The following PNMA8B variants were observed in gnomAD, a reference collection of about 807,000 sequenced individuals.
The protein encoded by PNMA8B is PNMA family member 8B.
For synonymous variants in PNMA8B, 386 were observed against 394.9 expected, an observed-to-expected ratio of 0.98 and a Z score of 0.27; for missense variants, 887 against 885.8, an observed-to-expected ratio of 1.00 and a Z score of -0.02.
At position 46,492,506 on chromosome 19, in the gene PNMA8B, C is replaced by T. The variant is rs373521985; in HGVS notation, c.*1052G>A. 5 of 162,224 alleles carry T rather than the reference C, an allele frequency of 3.1e-5. No individual in the cohort carries two copies. The highest frequency in any genetic ancestry group is 6.4e-5 in the Admixed American group (1 of 15,722). 10.0% of individuals were successfully genotyped at this position (162,224 alleles called of 1,614,324 possible). A position where few individuals can be genotyped will look rare whatever the true frequency, so the allele number is the denominator to read the frequency against. Reference sequence around the variant, plus strand: ...TCCCCTGTAAGGAGGGACACGCGGCCGGCTTCTGCACTGCCCAGGTGAGCC... The same window carrying T: ...TCCCCTGTAAGGAGGGACACGCGGCTGGCTTCTGCACTGCCCAGGTGAGCC... On this transcript the variant is annotated 3_prime_UTR_variant, in exon 1 of 1. Transcript: ENST00000599531.
In PNMA8B at chr19:46,495,204, C is replaced by A; in HGVS notation, c.262G>T (p.Val88Phe). Residue 88 changes from valine (V) to phenylalanine (F), a missense_variant, in exon 1 of 1, where the codon GTC becomes TTC. Physicochemically the swap from Val to Phe is conservative, Grantham distance 50. Transcript: ENST00000599531. ...IPREIPGKDGVWRVLWKDRAQ... is the reference protein window; with the variant it reads ...IPREIPGKDGFWRVLWKDRAQ... ...CGGTCCTTCCACAGAACCCTCCAGA[C>A]CCCATCCTTGCCTGGGATCTCCCTG... 1 of 1,613,386 alleles carries A rather than the reference C, an allele frequency of 6.2e-7. No individual in the cohort carries two copies. The highest frequency in any genetic ancestry group is 8.5e-7 in the Non-Finnish European group (1 of 1,179,292).
In PNMA8B at chr19:46,495,701, C is replaced by G. The variant is rs933270317; in HGVS notation, c.-236G>C. 1.3e-5 allele frequency: 7 copies of G among 541,674 alleles called. No individual in the cohort carries two copies. The highest frequency in any genetic ancestry group is 3.8e-5 in the African/African-American group (2 of 52,992). 33.6% of individuals were successfully genotyped at this position (541,674 alleles called of 1,614,324 possible). On this transcript the variant is annotated 5_prime_UTR_variant, in exon 1 of 1. Coordinates refer to ENST00000599531, the MANE Select transcript of PNMA8B (RefSeq NM_020709.3). ...CCCTCTCCAGAGCTGTCTGAGGATC[C>G]GCGGGGGGCTTACGTGTCTGCTTTC...
chr19:46,492,169 A>T lies in PNMA8B; in HGVS notation c.*1389T>A. 4.6e-6 allele frequency: 2 copies of T among 435,880 alleles called. No homozygotes were observed. 27.0% of individuals were successfully genotyped at this position (435,880 alleles called of 1,614,324 possible). A position where few individuals can be genotyped will look rare whatever the true frequency, so the allele number is the denominator to read the frequency against. On this transcript the variant is annotated 3_prime_UTR_variant, in exon 1 of 1. Coordinates refer to ENST00000599531, the MANE Select transcript of PNMA8B (RefSeq NM_020709.3). ...CAAACCCTCCTATTCCTTCCCAGGG[A>T]CAAGTGGGGCAGGGCCCCCTGGCAC...
In PNMA8B at chr19:46,494,549, G is replaced by A. The variant is rs779584054; in HGVS notation, c.917C>T (p.Pro306Leu). 4 of 1,613,898 alleles carry A rather than the reference G, an allele frequency of 2.5e-6. No individual in the cohort carries two copies. The East Asian group carries it at 8.9e-5, about 36-fold the overall frequency. Residue 306 changes from proline to leucine, a missense_variant, in exon 1 of 1, where the codon CCG (proline) becomes CTG (leucine). By Grantham distance (98) the Pro-to-Leu change is moderately conservative. Coordinates refer to ENST00000599531, the MANE Select transcript of PNMA8B (RefSeq NM_020709.3). ...GCTCTCCGAAGTGTCGCTGTCCACC[G>A]GCTCCTCGTCCGGGGTGTCTCTCAC... ...LAVRDTPDEE[P>L]VDSDTSESDS...
Position 46,491,778 on chromosome 19 carries a change from C to T in PNMA8B, c.*1780G>A, listed in dbSNP as rs1207893579. The T allele has an allele frequency of 6.5e-6, 1 of 154,826 alleles. No homozygotes were observed. The highest frequency in any genetic ancestry group is 1.4e-5 in the Non-Finnish European group (1 of 69,880). The allele number at this position is 154,826 out of a possible 1,614,324, so 9.6% of individuals were successfully genotyped here. A position where few individuals can be genotyped will look rare whatever the true frequency, so the allele number is the denominator to read the frequency against. ...TATTCTGGGCAAACCACAGTCAAGA[C>T]CGTGGACATCTGTGGCCCACGCTCC... On this transcript the variant is annotated 3_prime_UTR_variant, in exon 1 of 1. Coordinates refer to ENST00000599531, the MANE Select transcript of PNMA8B (RefSeq NM_020709.3).
At position 46,494,694 on chromosome 19, in the gene PNMA8B, T is replaced by C. The variant is rs1169087613; in HGVS notation, c.772A>G (p.Thr258Ala). 3 of 1,613,918 alleles carry C rather than the reference T, an allele frequency of 1.9e-6. No individual in the cohort carries two copies. The highest frequency in any genetic ancestry group is 2.5e-6 in the Non-Finnish European group (3 of 1,179,890). ...TCTTTCTTCGATTTGTCGGTGACGG[T>C]GACCAGAGCCAAGAACTCGCGGGGA... ...DGPREFLALV[T>A]VTDKSKKEEA... The change falls in exon 1 of 1, where the codon ACC becomes GCC. Residue 258 changes from threonine to alanine, a missense_variant. By Grantham distance (58) the Thr-to-Ala change is moderately conservative (BLOSUM62 0). Coordinates refer to ENST00000599531, the MANE Select transcript of PNMA8B (RefSeq NM_020709.3).
chr19:46,494,300 T>G lies in PNMA8B; in HGVS notation c.1166A>C (p.Lys389Thr), dbSNP rs774151706. Reference sequence around the variant, plus strand: ...CACCTCGCGGCCCGCCTCTTCCACCTTCACGCGGGTCCCGTTAGTGTCCTT... The same window carrying G: ...CACCTCGCGGCCCGCCTCTTCCACCGTCACGCGGGTCCCGTTAGTGTCCTT... ...MSKDTNGTRV[K>T]VEEAGREVDA... The change falls in exon 1 of 1, where the codon AAG becomes ACG. Residue 389 changes from lysine (K) to threonine (T), a missense_variant. Lys to Thr is a moderately conservative substitution (Grantham distance 78, BLOSUM62 -1). Transcript: ENST00000599531. The G allele has an allele frequency of 2.5e-6, 4 of 1,612,496 alleles. No individual in the cohort carries two copies. The Admixed American group carries it at 6.7e-5, about 27-fold the overall frequency.
At position 46,494,453 on chromosome 19, in the gene PNMA8B, T is replaced by G. The variant is rs763200869; in HGVS notation, c.1013A>C (p.Tyr338Ser). The G allele has an allele frequency of 1.2e-6, 2 of 1,614,030 alleles. No homozygotes were observed. Among genetic ancestry groups the G allele is most frequent in the African/African-American group, 1.3e-5 (1 of 75,082 alleles). The change falls in exon 1 of 1, where the codon TAT (tyrosine) becomes TCT (serine). Residue 338 changes from tyrosine (Y) to serine (S), a missense_variant. Coordinates refer to ENST00000599531, the MANE Select transcript of PNMA8B (RefSeq NM_020709.3). ...DNPEFVAIVA[Y>S]TDPSDPWARE... ...GGCCCAGGGGTCCGACGGGTCGGTA[T>G]AGGCCACAATGGCCACGAACTCAGG...
In PNMA8B at chr19:46,494,513, T is replaced by C. The variant is rs371812987; in HGVS notation, c.953A>G (p.Glu318Gly). Residue 318 changes from glutamate (E) to glycine (G), a missense_variant, in exon 1 of 1, where the codon GAA (glutamate) becomes GGA (glycine). Coordinates refer to ENST00000599531, the MANE Select transcript of PNMA8B (RefSeq NM_020709.3). ...DSDTSESDSQ[E>G]SGDQETEELD... ...CTCCTCTGTTTCTTGGTCCCCACTT[T>C]CCTGCGAGTCGCTCTCCGAAGTGTC... 51 of 1,614,062 alleles carry C rather than the reference T, an allele frequency of 3.2e-5. No homozygotes were observed. Among genetic ancestry groups the C allele is most frequent in the South Asian group, 3.0e-4 (27 of 91,090 alleles).
At position 46,491,394 on chromosome 19, in the gene PNMA8B, C is replaced by T. The variant is rs1481591477; in HGVS notation, c.*2164G>A. On this transcript the variant is annotated 3_prime_UTR_variant, in exon 1 of 1. Transcript: ENST00000599531. The stretch of plus-strand genomic sequence containing the variant: ...CTTCTAAGAGGACGTCTCTGGCAGC[C>T]ATGTATGGTGGGGGGACACAGGATG... 6.6e-6 allele frequency: 1 copy of T among 152,220 alleles called. No homozygotes were observed. Among genetic ancestry groups the T allele is most frequent in the Non-Finnish European group, 1.5e-5 (1 of 68,180 alleles). The allele number at this position is 152,220 out of a possible 1,614,324, so 9.4% of individuals were successfully genotyped here. A position where few individuals can be genotyped will look rare whatever the true frequency, so the allele number is the denominator to read the frequency against.
rs771562782 is a variant in PNMA8B at position 46,491,834 on chromosome 19, C to T, written c.*1724G>A. 1.9e-5 allele frequency: 3 copies of T among 158,940 alleles called. No individual in the cohort carries two copies. The highest frequency in any genetic ancestry group is 4.8e-5 in the African/African-American group (2 of 41,544). 9.8% of individuals were successfully genotyped at this position (158,940 alleles called of 1,614,324 possible). On this transcript the variant is annotated 3_prime_UTR_variant, in exon 1 of 1. Coordinates refer to ENST00000599531, the MANE Select transcript of PNMA8B (RefSeq NM_020709.3). ...CCCGCCTGCCCCACTGCCCAGAGCA[C>T]AGAGAGAGTACAGTGCTGAATTTCA...
In PNMA8B at chr19:46,493,279, A is replaced by T. The variant is rs1970031549; in HGVS notation, c.*279T>A. The T allele has an allele frequency of 2.9e-6, 1 of 345,616 alleles. No individual in the cohort carries two copies. Among genetic ancestry groups the T allele is most frequent in the Non-Finnish European group, 5.2e-6 (1 of 193,060 alleles). 21.4% of individuals were successfully genotyped at this position (345,616 alleles called of 1,614,324 possible). A position where few individuals can be genotyped will look rare whatever the true frequency, so the allele number is the denominator to read the frequency against. ...CAACCCGGGCCCCCAATCCTGGTCC[A>T]CTTGGCGCGTCCCCATCTCGGCCCT... On this transcript the variant is annotated 3_prime_UTR_variant, in exon 1 of 1. Coordinates refer to ENST00000599531, the MANE Select transcript of PNMA8B (RefSeq NM_020709.3). This position sits in a 1 kb window ranked among gnomAD's most constrained non-coding sequence, Gnocchi z 5.3.
Position 46,495,126 on chromosome 19 carries a change from C to T in PNMA8B, c.340G>A (p.Gly114Arg). ...CCAGCCTCCGCGGCCTGCGTGGGCCCGTCATCCAGCAGCAGGCGTCTCATC... is the reference window on the plus strand; with the variant it reads ...CCAGCCTCCGCGGCCTGCGTGGGCCTGTCATCCAGCAGCAGGCGTCTCATC... ...RQMRRLLLDD[G>R]PTQAAEAGTP... The change falls in exon 1 of 1, where the codon GGG becomes AGG. Residue 114 changes from glycine to arginine, a missense_variant. Coordinates refer to ENST00000599531, the MANE Select transcript of PNMA8B (RefSeq NM_020709.3). 1 of 1,613,788 alleles carries T rather than the reference C, an allele frequency of 6.2e-7. No individual in the cohort carries two copies. The highest frequency in any genetic ancestry group is 1.1e-5 in the South Asian group (1 of 91,088).
Position 46,495,004 on chromosome 19 carries a change from G to A in PNMA8B, c.462C>T (p.Ala154=), listed in dbSNP as rs926756614. 2 of 1,609,070 alleles carry A rather than the reference G, an allele frequency of 1.2e-6. No individual in the cohort carries two copies. Among genetic ancestry groups the A allele is most frequent in the Non-Finnish European group, 1.7e-6 (2 of 1,179,824 alleles). Reference sequence around the variant, plus strand: ...CCCGACGGCCCCTCCTTGGGTTCCTGGCTGCCCCAAGAAGCGAGCCAGCCT... The same window carrying A: ...CCCGACGGCCCCTCCTTGGGTTCCTAGCTGCCCCAAGAAGCGAGCCAGCCT... ...TGQAGSLLGA[A]RNPRRGRRGR... Residue 154 remains alanine (A), a synonymous_variant, in exon 1 of 1, where the codon GCC becomes GCT. Coordinates refer to ENST00000599531, the MANE Select transcript of PNMA8B (RefSeq NM_020709.3).
Position 46,494,273 on chromosome 19 carries a change from T to G in PNMA8B, c.1193A>C (p.Asp398Ala). ...CCCGGCCTTGCGCAGGACCACGGCG[T>G]CCACCTCGCGGCCCGCCTCTTCCAC... is the stretch of plus-strand genomic sequence containing the variant. ...VKVEEAGREV[D>A]AVVLRKAGDD... Residue 398 changes from aspartate to alanine, a missense_variant, in exon 1 of 1, where the codon GAC (aspartate) becomes GCC (alanine). Physicochemically the swap from Asp to Ala is moderately radical, Grantham distance 126. Transcript: ENST00000599531. 1 of 1,610,284 alleles carries G rather than the reference T, an allele frequency of 6.2e-7. No individual in the cohort carries two copies. Among genetic ancestry groups the G allele is most frequent in the Non-Finnish European group, 8.5e-7 (1 of 1,179,442 alleles).
chr19:46,495,559 A>C lies in PNMA8B; in HGVS notation c.-94T>G. On this transcript the variant is annotated 5_prime_UTR_variant, in exon 1 of 1. Transcript: ENST00000599531. ...GGTGTCAATGCAACCCTAGAAAGCC[A>C]CTTGCAGGGCTTAGAGTCCCGGTTC... 6.9e-7 allele frequency: 1 copy of C among 1,457,258 alleles called. No homozygotes were observed. 90.3% of individuals were successfully genotyped at this position (1,457,258 alleles called of 1,614,324 possible). A position where few individuals can be genotyped will look rare whatever the true frequency, so the allele number is the denominator to read the frequency against.
At position 46,491,370 on chromosome 19, in the gene PNMA8B, T is replaced by G. The variant is rs1969999863; in HGVS notation, c.*2188A>C. On this transcript the variant is annotated 3_prime_UTR_variant, in exon 1 of 1. Transcript: ENST00000599531. ...GACGCAATCAGACCCCAGGTGTGAC[T>G]TCTAAGAGGACGTCTCTGGCAGCCA... is the stretch of plus-strand genomic sequence containing the variant. 1 of 152,356 alleles carries G rather than the reference T, an allele frequency of 6.6e-6. No homozygotes were observed. The highest frequency in any genetic ancestry group is 1.9e-4 in the East Asian group (1 of 5,172). 9.4% of individuals were successfully genotyped at this position (152,356 alleles called of 1,614,324 possible).
rs766440791 is a variant in PNMA8B, at chr19:46,495,473, C to T, written c.-8G>A. The T allele has an allele frequency of 2.8e-5, 45 of 1,591,294 alleles. No homozygotes were observed. The highest frequency in any genetic ancestry group is 3.7e-5 in the Non-Finnish European group (43 of 1,165,422). Reference sequence around the variant, plus strand: ...CAAAAGGCTCATGGCCATGGTGCAGCCCCCTTGGCGCTGATCTTGGGGCAG... The same window carrying T: ...CAAAAGGCTCATGGCCATGGTGCAGTCCCCTTGGCGCTGATCTTGGGGCAG... On this transcript the variant is annotated 5_prime_UTR_variant, in exon 1 of 1. Coordinates refer to ENST00000599531, the MANE Select transcript of PNMA8B (RefSeq NM_020709.3).
rs866217322 is a variant in PNMA8B, at chr19:46,493,605, C to A, written c.1861G>T (p.Gly621Trp). Residue 621 changes from glycine to tryptophan, a missense_variant, in exon 1 of 1, where the codon GGG (glycine) becomes TGG (tryptophan). Transcript: ENST00000599531. The surrounding 1 kb of genome is among the most constrained non-coding windows in gnomAD (Gnocchi z 5.3). ...QAPTGSKAAR[G>W]KKARRGRRLP... The stretch of plus-strand genomic sequence containing the variant: ...CTCCGGCCCCGACGGGCCTTCTTCC[C>A]GCGCGCGGCCTTGGATCCAGTGGGC... 26 of 1,491,356 alleles carry A rather than the reference C, an allele frequency of 1.7e-5. No homozygotes were observed. Among genetic ancestry groups the A allele is most frequent in the East Asian group, 2.6e-5 (1 of 38,192 alleles). 92.4% of individuals were successfully genotyped at this position (1,491,356 alleles called of 1,614,324 possible). A position where few individuals can be genotyped will look rare whatever the true frequency, so the allele number is the denominator to read the frequency against.
Sources: allele counts gnomAD v4.1 joint callset, GRCh38; gene constraint gnomAD v4.1.1; non-coding constraint Gnocchi (gnomAD v3.1); transcripts MANE v1.5; gene names NCBI Gene and HGNC (gene_info 2026-07-23, HGNC 2026-07-21).